Variants in LVRN observed in about 807,000 individuals in gnomAD.
The protein encoded by LVRN is aminopeptidase Q.
In LVRN, 99 loss-of-function variants were observed where a neutral mutation model predicts 111.4. The ratio of observed to expected loss-of-function variants is 0.89; its 90% confidence interval spans 0.76 to 1.05. The LOEUF is 1.05. LVRN is among the 50% of genes least tolerant of loss of function. LVRN has a pLI of 0.00. For missense variants in LVRN, 1,414 were observed against 1,206.8 expected (o/e 1.17, Z -2.54); for synonymous variants, 488 against 449.5 (o/e 1.09, Z -1.08).
At chr5:115,967,875 G>A (rs1161469978) in intron 1 of LVRN, among the ~76,000 whole-genome samples, 2 of 151,956 alleles carry the variant, frequency 1.3e-5, no homozygotes, top group Non-Finnish European at 2.9e-5. Context: ...GTTTAATTTT[G>A]GTTTTCTACA....
rs746801154 is a variant in LVRN, at chr5:116,002,842, T to C, written c.1828T>C (p.Trp610Arg). Residue 610 changes from tryptophan to arginine, a missense_variant, in exon 11 of 20, where the codon TGG becomes CGG. Trp to Arg is a moderately radical substitution (Grantham distance 101). Coordinates refer to ENST00000357872, the MANE Select transcript of LVRN (RefSeq NM_173800.5). ...TTATTTTCTTCCAATAAGTGACACATGGATTGTCCCTATTCTTTGGATAAA... is the reference window on the plus strand; with the variant it reads ...TTATTTTCTTCCAATAAGTGACACACGGATTGTCCCTATTCTTTGGATAAA... ...NRTLLTSNDT[W>R]IVPILWIKNG... 4 of 1,605,542 alleles carry C rather than the reference T, an allele frequency of 2.5e-6. No individual in the cohort carries two copies. The East Asian group carries it at 8.9e-5, about 36-fold the overall frequency.
chr5:115,972,318 A>G (rs1367431566), intron 1 of LVRN, among the ~76,000 whole-genome samples: 1 of 151,816 alleles, frequency 6.6e-6, no homozygotes, highest in Non-Finnish European at 1.5e-5. Context: ...TCTTGCACAT[A>G]TTTTGTCAGA....
At chr5:116,012,586 A>G in intron 15 of LVRN, 118 bp downstream of exon 15, 1 of 627,096 alleles carries the variant, frequency 1.6e-6, no homozygotes, top group Non-Finnish European at 2.7e-6. Flanking sequence ...ATATGCTATT[A>G]TTATTTGAGA....
intron 10 of LVRN, among the ~76,000 whole-genome samples, chr5:116,001,953 C>G (rs999685553): frequency 1.3e-5 from 2 of 152,180 alleles, no homozygotes; most frequent in African/African-American, 4.8e-5. Flanking sequence ...CTTTCTTAAT[C>G]TATTAGCTGA....
chr5:115,985,397 C>T (rs1172673156), intron 3 of LVRN, among the ~76,000 whole-genome samples: 1 of 152,004 alleles, frequency 6.6e-6, no homozygotes, highest in Non-Finnish European at 1.5e-5. Flanking sequence ...TCTCCAGACC[C>T]AGGGCTTATA....
chr5:116,003,098 C>T (rs746775745), intron 11 of LVRN, 143 bp from the exon 12 acceptor site: 1 of 896,894 alleles, frequency 1.1e-6, no homozygotes, highest in Non-Finnish European at 1.7e-6. Context: ...ATATAATTAC[C>T]TGGTAAGAGC....
Position 115,980,544 on chromosome 5 carries a change from G to A in LVRN, c.696-2743G>A, listed in dbSNP as rs762267627. ...TGAAGTGGTGACTCTTTAAGCTGGC[G>A]TCTCCACCTGCTTTTACACTCCAGG... is the stretch of plus-strand genomic sequence containing the variant. On this transcript the variant is annotated intron_variant, in intron 1 of 19. Coordinates refer to ENST00000357872, the MANE Select transcript of LVRN (RefSeq NM_173800.5). Among the ~76,000 whole-genome samples, 8 of 152,036 alleles carry A rather than the reference G, an allele frequency of 5.3e-5. No individual in the cohort carries two copies. The South Asian group carries it at 8.3e-4, about 16-fold the overall frequency.
In LVRN at chr5:115,963,067, C is replaced by T. The variant is rs781296402; in HGVS notation, c.450C>T (p.Phe150=). 3.1e-6 allele frequency: 5 copies of T among 1,613,738 alleles called. No individual in the cohort carries two copies. The Admixed American group carries it at 6.7e-5, about 22-fold the overall frequency. Residue 150 remains phenylalanine, a synonymous_variant, in exon 1 of 20, where the codon TTC becomes TTT. Coordinates refer to ENST00000357872, the MANE Select transcript of LVRN (RefSeq NM_173800.5). ...CTCGACTGCTGCTGCATAGCCTCTT[C>T]CAGGACTGCGAGCGCGCCGAGGTGC... ...ATSRLLLHSL[F]QDCERAEVRG...
At position 115,963,167 on chromosome 5, in the gene LVRN, G is replaced by T. The variant is rs1753126817; in HGVS notation, c.550G>T (p.Asp184Tyr). The change falls in exon 1 of 20, where the codon GAC becomes TAC. Residue 184 changes from aspartate to tyrosine, a missense_variant. Transcript: ENST00000357872. The part of the protein sequence containing the change: ...VPVDDVWFAL[D>Y]TEYMVLELSE... ...CGTGGACGACGTGTGGTTCGCGCTG[G>T]ACACGGAATACATGGTGCTGGAGCT... is the stretch of plus-strand genomic sequence containing the variant. 1 of 1,613,076 alleles carries T rather than the reference G, an allele frequency of 6.2e-7. No individual in the cohort carries two copies. The highest frequency in any genetic ancestry group is 8.5e-7 in the Non-Finnish European group (1 of 1,179,826).
intron 13 of LVRN, among the ~76,000 whole-genome samples, chr5:116,006,390 T>C (rs1748375138): frequency 6.6e-6 from 1 of 152,204 alleles, no homozygotes; most frequent in Non-Finnish European, 1.5e-5. Flanking sequence ...TTTTTTCTCT[T>C]TCTTTAGCCA....
In LVRN at chr5:116,006,073, A is replaced by T. The variant is rs941001999; in HGVS notation, c.2093+106A>T. On this transcript the variant is annotated intron_variant, in intron 13 of 19. Coordinates refer to ENST00000357872, the MANE Select transcript of LVRN (RefSeq NM_173800.5). ...TGATTATTTAGTCTATACAGGCCAT[A>T]ACTGATTAAGATTAGGATGAAATTC... is the stretch of plus-strand genomic sequence containing the variant. The T allele has an allele frequency of 3.5e-6, 3 of 850,820 alleles. No individual in the cohort carries two copies. The African/African-American group carries it at 5.2e-5, about 15-fold the overall frequency. 52.7% of individuals were successfully genotyped at this position (850,820 alleles called of 1,614,324 possible).
chr5:116,022,910 G>C (rs1182061252), intron 19 of LVRN, among the ~76,000 whole-genome samples: 1 of 152,236 alleles, frequency 6.6e-6, no homozygotes, highest in Non-Finnish European at 1.5e-5. Flanking sequence ...AAGTGTCAGA[G>C]AGCAAGAGAG....
At chr5:116,009,441 A>G (rs1423464335) in intron 13 of LVRN, among the ~76,000 whole-genome samples, 1 of 152,206 alleles carries the variant, frequency 6.6e-6, no homozygotes, top group Non-Finnish European at 1.5e-5. Context: ...ATTATTTAAG[A>G]AATACATTTT....
chr5:116,000,333 A>C, intron 7 of LVRN, 100 bp from the exon 8 acceptor site: 1 of 1,482,764 alleles, frequency 6.7e-7, no homozygotes, highest in Non-Finnish European at 9.4e-7. Context: ...TGCAAAATGC[A>C]ATCAGGAGCA....
chr5:116,026,232 C>A lies in LVRN; in HGVS notation c.*114C>A. 7.0e-7 allele frequency: 1 copy of A among 1,438,016 alleles called. No homozygotes were observed. The highest frequency in any genetic ancestry group is 9.5e-7 in the Non-Finnish European group (1 of 1,053,114). The allele number at this position is 1,438,016 out of a possible 1,614,324, so 89.1% of individuals were successfully genotyped here. The stretch of plus-strand genomic sequence containing the variant: ...CCACACATTTTATTTGTATTTCAGT[C>A]ACATTTATTACTCAGAGTGCCATTC... On this transcript the variant is annotated 3_prime_UTR_variant, in exon 20 of 20. Transcript: ENST00000357872.
intron 17 of LVRN, 100 bp from the exon 18 acceptor site, chr5:116,015,528 C>A (rs957834197): frequency 5.4e-6 from 8 of 1,480,040 alleles, no homozygotes; most frequent in African/African-American, 1.4e-5. Flanking sequence ...CGTATTTGTG[C>A]TTCACTACCT....
chr5:115,992,388 A>T, intron 5 of LVRN, 111 bp downstream of exon 5: 1 of 1,242,774 alleles, frequency 8.0e-7, no homozygotes, highest in Non-Finnish European at 1.1e-6. Flanking sequence ...TTTTAAAAAG[A>T]AAAACATCTC....
At position 116,015,417 on chromosome 5, in the gene LVRN, C is replaced by A; in HGVS notation, c.2616C>A (p.Asn872Lys). Residue 872 changes from asparagine (N) to lysine (K), a missense_variant and splice_region_variant, in exon 17 of 20, where the codon AAC becomes AAA. Asn to Lys is a moderately conservative substitution (Grantham distance 94). Transcript: ENST00000357872. ...GCAGCAAAGACCCATGGATACTTAACAGGTGATTATGGTCAACTTACCTTG... is the reference window on the plus strand; with the variant it reads ...GCAGCAAAGACCCATGGATACTTAAAAGGTGATTATGGTCAACTTACCTTG... The part of the protein sequence containing the change: ...MSCSKDPWIL[N>K]RYMEYAISTS... The A allele has an allele frequency of 1.3e-6, 2 of 1,535,368 alleles. No individual in the cohort carries two copies. Among genetic ancestry groups the A allele is most frequent in the South Asian group, 1.2e-5 (1 of 80,430 alleles).
At chr5:115,988,158 A>G (rs976212909) in intron 4 of LVRN, among the ~76,000 whole-genome samples, 1 of 152,114 alleles carries the variant, frequency 6.6e-6, no homozygotes, top group Non-Finnish European at 1.5e-5. Context: ...GCTGCTGAAG[A>G]GCTCTCAGAC....
Sources: allele counts gnomAD v4.1 joint callset (sites outside exome capture counted in the v4.1 genomes callset), GRCh38; gene constraint gnomAD v4.1.1; transcripts MANE v1.5; gene names NCBI Gene and HGNC (gene_info 2026-07-23, HGNC 2026-07-21).